The following OR10H3 variants were observed in gnomAD, a reference collection of about 807,000 sequenced individuals.
OR10H3 encodes olfactory receptor 10H3.
A neutral mutation model predicts 11.1 loss-of-function variants in OR10H3; 15 were observed. The ratio of observed to expected loss-of-function variants is 1.36; its 90% CI spans 0.91 to 2.09. The LOEUF is 2.09. Ranked by LOEUF, OR10H3 falls within the 30% of genes most tolerant of loss-of-function variation. The pLI, the probability that OR10H3 is intolerant of heterozygous loss-of-function variation, is 0.00. For missense variants in OR10H3, 403 were observed against 391.5 expected (o/e 1.03, Z -0.25); for synonymous variants, 149 against 142.1 (o/e 1.05, Z -0.35).
intron 1 of OR10H3, among the ~76,000 whole-genome samples, chr19:15,741,064 T>C (rs2144893081): frequency 6.6e-6 from 1 of 152,370 alleles, no homozygotes; most frequent in East Asian, 1.9e-4. Flanking sequence ...TTCAGGGGAA[T>C]CTGACCCTGA....
At chr19:15,740,324 C>T (rs898549637) in intron 1 of OR10H3, among the ~76,000 whole-genome samples, 2 of 152,132 alleles carry the variant, frequency 1.3e-5, no homozygotes, top group South Asian at 2.1e-4. Context: ...ATCATTCATT[C>T]ATACTGTAAT....
intron 1 of OR10H3, among the ~76,000 whole-genome samples, chr19:15,740,756 C>T (rs1600057766): frequency 6.6e-6 from 1 of 152,200 alleles, no homozygotes; most frequent in East Asian, 1.9e-4. Context: ...GTATTAGAGA[C>T]CTTGCGATCA....
chr19:15,740,776 T>C (rs1037644172), intron 1 of OR10H3, among the ~76,000 whole-genome samples: 16 of 152,248 alleles, frequency 1.1e-4, no homozygotes, highest in African/African-American at 3.1e-4. Flanking sequence ...ATTGTTTCCT[T>C]AAATTCCACT....
At chr19:15,740,785 C>CT (rs1295656387) in intron 1 of OR10H3, among the ~76,000 whole-genome samples, 1 of 152,198 alleles carries the variant, frequency 6.6e-6, no homozygotes, top group African/African-American at 2.4e-5. Flanking sequence ...TTAAATTCCA[C>CT]TTTTTTATTA....
rs1023360215 is a variant in OR10H3 at position 15,741,510 on chromosome 19, T to C, written c.118T>C (p.Leu40=). The change falls in exon 2 of 2, where the codon TTG becomes CTG. Residue 40 remains leucine (L), a synonymous_variant. Transcript: ENST00000641646. ...LLYLLMFLFT[L]LGNLLIMATV... is the part of the protein sequence containing the mutation. ...GTACCTCCTGATGTTCCTGTTCACA[T>C]TGCTTGGCAACCTTCTTATCATGGC... 5 of 1,614,130 alleles carry C rather than the reference T, an allele frequency of 3.1e-6. No individual in the cohort carries two copies. Among genetic ancestry groups the C allele is most frequent in the African/African-American group, 1.3e-5 (1 of 74,942 alleles).
Position 15,741,693 on chromosome 19 carries a change from C to A in OR10H3, c.301C>A (p.Gln101Lys). Residue 101 changes from glutamine to lysine, a missense_variant, in exon 2 of 2, where the codon CAG (glutamine) becomes AAG (lysine). Physicochemically the swap from Gln to Lys is moderately conservative, Grantham distance 53 (BLOSUM62 1). Transcript: ENST00000641646. ...RSITFVACAI[Q>K]MFFSFMFGFT... ...CATCACCTTTGTGGCTTGTGCCATT[C>A]AGATGTTCTTCTCCTTCATGTTTGG... 1 of 1,614,134 alleles carries A rather than the reference C, an allele frequency of 6.2e-7. No homozygotes were observed. The highest frequency in any genetic ancestry group is 8.5e-7 in the Non-Finnish European group (1 of 1,180,026).
chr19:15,741,531 A>G lies in OR10H3; in HGVS notation c.139A>G (p.Met47Val). The G allele has an allele frequency of 6.2e-7, 1 of 1,614,046 alleles. No individual in the cohort carries two copies. Among genetic ancestry groups the G allele is most frequent in the East Asian group, 2.2e-5 (1 of 44,882 alleles). ...CACATTGCTTGGCAACCTTCTTATC[A>G]TGGCCACAGTTTGGATTGAACGCAG... The part of the protein sequence containing the change: ...LFTLLGNLLI[M>V]ATVWIERRLH... The change falls in exon 2 of 2, where the codon ATG (methionine) becomes GTG (valine). Residue 47 changes from methionine (M) to valine (V), a missense_variant. Met to Val is a conservative substitution (Grantham distance 21). Coordinates refer to ENST00000641646, the MANE Select transcript of OR10H3 (RefSeq NM_013938.2).
chr19:15,741,703 TCTC>T lies in OR10H3; in HGVS notation c.314_316del (p.Ser105del). 6.2e-7 allele frequency: 1 copy of T among 1,614,142 alleles called. No homozygotes were observed. Among genetic ancestry groups the T allele is most frequent in the Admixed American group, 1.7e-5 (1 of 60,014 alleles). ...GTGGCTTGTGCCATTCAGATGTTCT[TCTC>T]CTTCATGTTTGGCTTCACTCACTCC... On this transcript the variant is annotated inframe_deletion, in exon 2 of 2. Transcript: ENST00000641646.
Position 15,742,097 on chromosome 19 carries a change from C to T in OR10H3, c.705C>T (p.Gly235=), listed in dbSNP as rs2008709297. The change falls in exon 2 of 2, where the codon GGC becomes GGT. Residue 235 remains glycine, a synonymous_variant. Transcript: ENST00000641646. ...AAILRIPSAE[G]RHKTFSTCVS... Reference sequence around the variant, plus strand: ...TCTTGAGGATTCCTTCTGCTGAGGGCCGGCACAAGACTTTCTCCACTTGTG... The same window carrying T: ...TCTTGAGGATTCCTTCTGCTGAGGGTCGGCACAAGACTTTCTCCACTTGTG... 3.7e-6 allele frequency: 6 copies of T among 1,613,358 alleles called. No homozygotes were observed. The highest frequency in any genetic ancestry group is 4.2e-6 in the Non-Finnish European group (5 of 1,180,030).
intron 1 of OR10H3, 24 bp from the exon 2 acceptor site, chr19:15,741,358 T>A: frequency 6.8e-7 from 1 of 1,477,468 alleles, no homozygotes; most frequent in Non-Finnish European, 9.4e-7. Context: ...CACTGTCACT[T>A]AATTTTGTTT....
Position 15,741,621 on chromosome 19 carries a change from G to A in OR10H3, c.229G>A (p.Ala77Thr), listed in dbSNP as rs778969287. The change falls in exon 2 of 2, where the codon GCC becomes ACC. Residue 77 changes from alanine to threonine, a missense_variant. Coordinates refer to ENST00000641646, the MANE Select transcript of OR10H3 (RefSeq NM_013938.2). ...CATCTCTGAGATTCTGTTCACTGTTGCCATCACCCCTCGCATGCTGGCTGA... is the reference window on the plus strand; with the variant it reads ...CATCTCTGAGATTCTGTTCACTGTTACCATCACCCCTCGCATGCTGGCTGA... ...LSISEILFTVAITPRMLADLL... is the reference protein window; with the variant it reads ...LSISEILFTVTITPRMLADLL... 1.9e-6 allele frequency: 3 copies of A among 1,614,002 alleles called. No individual in the cohort carries two copies. Among genetic ancestry groups the A allele is most frequent in the African/African-American group, 1.3e-5 (1 of 74,896 alleles).
rs754494350 is a variant in OR10H3 at position 15,742,243 on chromosome 19, C to T, written c.851C>T (p.Thr284Ile). 51 of 1,614,056 alleles carry T rather than the reference C, an allele frequency of 3.2e-5. No homozygotes were observed. The highest frequency in any genetic ancestry group is 4.3e-5 in the Non-Finnish European group (51 of 1,180,026). ...ALMATTYTVFTPFLSPIIFSL... is the reference protein window; with the variant it reads ...ALMATTYTVFIPFLSPIIFSL... ...ATGGCCACCACCTATACTGTCTTCA[C>T]CCCCTTCCTCAGCCCAATCATTTTC... Residue 284 changes from threonine to isoleucine, a missense_variant, in exon 2 of 2, where the codon ACC becomes ATC. Physicochemically the swap from Thr to Ile is moderately conservative, Grantham distance 89. Coordinates refer to ENST00000641646, the MANE Select transcript of OR10H3 (RefSeq NM_013938.2).
At chr19:15,739,881 G>A (rs938536136) in intron 1 of OR10H3, among the ~76,000 whole-genome samples, 4 of 152,126 alleles carry the variant, frequency 2.6e-5, no homozygotes, top group Non-Finnish European at 5.9e-5. Context: ...GCATGTGTGT[G>A]TGTGTGAGAT....
chr19:15,741,694 A>G lies in OR10H3; in HGVS notation c.302A>G (p.Gln101Arg). 1.9e-6 allele frequency: 3 copies of G among 1,613,960 alleles called. No individual in the cohort carries two copies. The highest frequency in any genetic ancestry group is 2.5e-6 in the Non-Finnish European group (3 of 1,179,998). The change falls in exon 2 of 2, where the codon CAG becomes CGG. Residue 101 changes from glutamine (Q) to arginine (R), a missense_variant. Gln to Arg is a conservative substitution (Grantham distance 43, BLOSUM62 1). Coordinates refer to ENST00000641646, the MANE Select transcript of OR10H3 (RefSeq NM_013938.2). ...ATCACCTTTGTGGCTTGTGCCATTC[A>G]GATGTTCTTCTCCTTCATGTTTGGC... ...RSITFVACAI[Q>R]MFFSFMFGFT...
Position 15,742,318 on chromosome 19 carries a change from G to A in OR10H3, c.926G>A (p.Arg309Lys), listed in dbSNP as rs753368694. ...AATGCCATAAATAAAAACTTTTGCA[G>A]AAGGTTCTGCCCTCTAAGCTCCTAA... ...LKNAINKNFCRRFCPLSS is the reference protein window; with the variant it reads ...LKNAINKNFCKRFCPLSS The change falls in exon 2 of 2, where the codon AGA (arginine) becomes AAA (lysine). Residue 309 changes from arginine to lysine, a missense_variant. Arg to Lys is a conservative substitution (Grantham distance 26). Transcript: ENST00000641646. 1.1e-5 allele frequency: 18 copies of A among 1,613,686 alleles called. No individual in the cohort carries two copies. The highest frequency in any genetic ancestry group is 1.0e-4 in the Admixed American group (6 of 59,928).
chr19:15,740,882 T>C (rs1407640642), intron 1 of OR10H3, among the ~76,000 whole-genome samples: 2 of 152,242 alleles, frequency 1.3e-5, no homozygotes, highest in Non-Finnish European at 2.9e-5. Context: ...TATTCAGATT[T>C]ATTAGAATAG....
At position 15,741,482 on chromosome 19, in the gene OR10H3, G is replaced by A. The variant is rs766003455; in HGVS notation, c.90G>A (p.Leu30=). ...FPQQLLPVLF[L]LYLLMFLFTL... ...AGCAGCTCCTGCCTGTCTTGTTCCT[G>A]CTGTACCTCCTGATGTTCCTGTTCA... Residue 30 remains leucine, a synonymous_variant, in exon 2 of 2, where the codon CTG becomes CTA. Coordinates refer to ENST00000641646, the MANE Select transcript of OR10H3 (RefSeq NM_013938.2). 2 of 1,614,160 alleles carry A rather than the reference G, an allele frequency of 1.2e-6. No individual in the cohort carries two copies. Among genetic ancestry groups the A allele is most frequent in the East Asian group, 4.5e-5 (2 of 44,884 alleles).
chr19:15,741,847 G>A lies in OR10H3; in HGVS notation c.455G>A (p.Gly152Asp), dbSNP rs1409886749. The A allele has an allele frequency of 1.2e-6, 2 of 1,614,080 alleles. No individual in the cohort carries two copies. Among genetic ancestry groups the A allele is most frequent in the Non-Finnish European group, 8.5e-7 (1 of 1,180,040 alleles). ...CAHLVAWTWA[G>D]GSVMGMMVTM... ...CATCTTGTGGCCTGGACCTGGGCTG[G>A]TGGCTCGGTCATGGGGATGATGGTG... Residue 152 changes from glycine to aspartate, a missense_variant, in exon 2 of 2, where the codon GGT (glycine) becomes GAT (aspartate). Transcript: ENST00000641646.
At position 15,741,770 on chromosome 19, in the gene OR10H3, C is replaced by T; in HGVS notation, c.378C>T (p.Thr126=). The T allele has an allele frequency of 6.2e-7, 1 of 1,614,148 alleles. No individual in the cohort carries two copies. The highest frequency in any genetic ancestry group is 1.1e-5 in the South Asian group (1 of 91,074). ...LMVMGYDHYV[T]ICHPLHYNML... ...TCATGGGCTATGATCACTACGTGAC[C>T]ATCTGCCACCCACTGCATTACAACA... Residue 126 remains threonine (T), a synonymous_variant, in exon 2 of 2, where the codon ACC becomes ACT. Coordinates refer to ENST00000641646, the MANE Select transcript of OR10H3 (RefSeq NM_013938.2).
Sources: allele counts gnomAD v4.1 joint callset (sites outside exome capture counted in the v4.1 genomes callset), GRCh38; gene constraint gnomAD v4.1.1; transcripts MANE v1.5; gene names NCBI Gene and HGNC (gene_info 2026-07-23, HGNC 2026-07-21).